Variants in PCDH9 observed in about 807,000 individuals in gnomAD.
PCDH9 encodes the protein protocadherin 9, also known as protocadherin-9.
PCDH9 carries 24 observed loss-of-function variants against 70.6 expected under a neutral mutation model. The ratio of observed to expected loss-of-function variants is 0.34; its 90% confidence interval spans 0.25 to 0.48. The LOEUF is 0.48. Among genes scored for constraint, PCDH9 ranks in the 20% least tolerant of loss-of-function variants. PCDH9 has a pLI of 0.99. For synonymous variants in PCDH9, 562 were observed against 558.5 expected (o/e 1.01, Z -0.09); for missense variants, 1,281 against 1,503.6 (o/e 0.85, Z 2.45).
At chr13:66,669,960 G>A (rs1218690703) in intron 3 of PCDH9, among the ~76,000 whole-genome samples, 12 of 151,852 alleles carry the variant, frequency 7.9e-5, no homozygotes, top group Admixed American at 6.6e-4. Flanking sequence ...TGTAAATGAG[G>A]CATAAAGAGC....
At chr13:67,038,702 G>A (rs545305965) in intron 2 of PCDH9, among the ~76,000 whole-genome samples, 1 of 152,296 alleles carries the variant, frequency 6.6e-6, no homozygotes, top group Non-Finnish European at 1.5e-5. Flanking sequence ...AATAAGTAAT[G>A]TAAGTTTGAT....
intron 2 of PCDH9, among the ~76,000 whole-genome samples, chr13:66,974,789 T>G (rs1203710165): frequency 6.6e-6 from 1 of 152,008 alleles, no homozygotes; most frequent in East Asian, 1.9e-4. Flanking sequence ...CTTAGGCCAG[T>G]TGAGAGTTGA....
In PCDH9 at chr13:66,314,240, A is replaced by G. The variant is rs1287552292; in HGVS notation, c.3341-9212T>C. ...ACCTGTCTGCCTTCGCTCCTTTCCC[A>G]GTGGTCTAAACTAATAACGTTTTCA... On this transcript the variant is annotated intron_variant, in intron 4 of 4. Coordinates refer to ENST00000377865, the MANE Select transcript of PCDH9 (RefSeq NM_203487.3). 2.6e-5 allele frequency among the ~76,000 whole-genome samples: 4 copies of G among 152,192 alleles called. No homozygotes were observed. The East Asian group carries it at 7.7e-4, about 29-fold the overall frequency.
At chr13:66,417,203 G>C (rs1481658025) in intron 4 of PCDH9, among the ~76,000 whole-genome samples, 2 of 152,028 alleles carry the variant, frequency 1.3e-5, no homozygotes, top group African/African-American at 4.8e-5. Flanking sequence ...ACAGGCCCCA[G>C]TGTATGATTT....
In PCDH9 at chr13:66,792,157, G is replaced by A. The variant is rs896959712; in HGVS notation, c.3138+111347C>T. The stretch of plus-strand genomic sequence containing the variant: ...GTAAATGAAAACATTTTTCTTGTTG[G>A]TCAATCTATTACCTTCGAGATTTAT... On this transcript the variant is annotated intron_variant, in intron 3 of 4. Transcript: ENST00000377865. Among the ~76,000 whole-genome samples the A allele has an allele frequency of 3.3e-5, 5 of 152,192 alleles. 1 individual carries two copies. Among genetic ancestry groups the A allele is most frequent in the Middle Eastern group, 6.8e-3 (2 of 294 alleles).
At chr13:66,911,656 C>G (rs907996720) in intron 2 of PCDH9, among the ~76,000 whole-genome samples, 2 of 152,138 alleles carry the variant, frequency 1.3e-5, no homozygotes, top group African/African-American at 4.8e-5. Context: ...TGGTTCCCTC[C>G]TTATATTATT....
At chr13:66,518,166 C>A (rs1377700803) in intron 4 of PCDH9, among the ~76,000 whole-genome samples, 1 of 151,914 alleles carries the variant, frequency 6.6e-6, no homozygotes, top group Non-Finnish European at 1.5e-5. Flanking sequence ...TGTCATATGG[C>A]AAAAACAGGA....
intron 2 of PCDH9, among the ~76,000 whole-genome samples, chr13:66,936,692 A>G (rs1448319049): frequency 6.6e-6 from 1 of 152,190 alleles, no homozygotes; most frequent in East Asian, 1.9e-4. Context: ...ATTAACTAAT[A>G]ATATAATAAT....
At chr13:67,020,699 G>T (rs908737157) in intron 2 of PCDH9, among the ~76,000 whole-genome samples, 1 of 152,220 alleles carries the variant, frequency 6.6e-6, no homozygotes, top group Non-Finnish European at 1.5e-5. Flanking sequence ...TATCTGAAAA[G>T]AGGTTAAATA....
intron 4 of PCDH9, among the ~76,000 whole-genome samples, chr13:66,573,200 T>C (rs1037368957): frequency 5.3e-5 from 8 of 152,190 alleles, no homozygotes; most frequent in Admixed American, 1.3e-4. Context: ...GAACATTTTT[T>C]TCATATACTT....
chr13:67,226,645 G>T lies in PCDH9; in HGVS notation c.1796C>A (p.Ala599Glu). ...CACAGCTTTATTCTCTCCAGCATCT[G>T]CATCTGTCACTGTGATTACCCCCAC... ...STVGVITVTD[A>E]DAGENKAVTL... Residue 599 changes from alanine (A) to glutamate (E), a missense_variant, in exon 2 of 5, where the codon GCA becomes GAA. Coordinates refer to ENST00000377865, the MANE Select transcript of PCDH9 (RefSeq NM_203487.3). The surrounding 1 kb of genome is among the most constrained non-coding windows in gnomAD (Gnocchi z 5.0). The T allele has an allele frequency of 6.2e-7, 1 of 1,613,876 alleles. No homozygotes were observed. Among genetic ancestry groups the T allele is most frequent in the South Asian group, 1.1e-5 (1 of 91,070 alleles).
At chr13:66,354,280 A>G (rs771571563) in intron 4 of PCDH9, among the ~76,000 whole-genome samples, 5 of 152,158 alleles carry the variant, frequency 3.3e-5, no homozygotes, top group Admixed American at 6.6e-5. Flanking sequence ...TATTCTTTCA[A>G]TCACTTTTAA....
chr13:66,610,179 A>C (rs1038080109), intron 4 of PCDH9, among the ~76,000 whole-genome samples: 2 of 152,022 alleles, frequency 1.3e-5, no homozygotes, highest in Admixed American at 1.3e-4. Flanking sequence ...AATGCATCAA[A>C]TATCCACACG....
At chr13:66,316,709 G>C (rs1320023166) in intron 4 of PCDH9, among the ~76,000 whole-genome samples, 1 of 152,004 alleles carries the variant, frequency 6.6e-6, no homozygotes, top group Non-Finnish European at 1.5e-5. Flanking sequence ...CCTCTACTCA[G>C]TCAATTTTTA....
At chr13:66,548,502 T>C (rs537589330) in intron 4 of PCDH9, among the ~76,000 whole-genome samples, 21 of 151,930 alleles carry the variant, frequency 1.4e-4, no homozygotes, top group African/African-American at 5.1e-4. Context: ...GAGGTGGAGG[T>C]TGCAGTGAGC....
chr13:66,932,681 T>TATATATATACATACAC (rs1313632174), intron 2 of PCDH9, among the ~76,000 whole-genome samples: 1 of 114,822 alleles, frequency 8.7e-6, no homozygotes, highest in African/African-American at 3.4e-5. Flanking sequence ...TATATATATA[T>TATATATATACATACAC]ACACACACAC....
intron 2 of PCDH9, among the ~76,000 whole-genome samples, chr13:66,956,234 T>C (rs1233953776): frequency 6.6e-6 from 1 of 152,184 alleles, no homozygotes; most frequent in East Asian, 1.9e-4. Flanking sequence ...AACGAATATA[T>C]GGTTAATTGT....
chr13:67,112,366 T>C (rs916982732), intron 2 of PCDH9, among the ~76,000 whole-genome samples: 1 of 152,184 alleles, frequency 6.6e-6, no homozygotes, highest in African/African-American at 2.4e-5. Flanking sequence ...CAAGGAAACA[T>C]AGGTACTGTG....
chr13:66,657,870 A>G (rs1366441697), intron 3 of PCDH9, among the ~76,000 whole-genome samples: 1 of 152,164 alleles, frequency 6.6e-6, no homozygotes, highest in Non-Finnish European at 1.5e-5. Flanking sequence ...CTACAGTCCA[A>G]TCGGCCCTCT....
Sources: gnomAD v4.1 joint callset for allele counts (sites outside exome capture counted in the v4.1 genomes callset) on GRCh38, gnomAD v4.1.1 for gene constraint, Gnocchi (gnomAD v3.1) non-coding constraint, MANE v1.5 for transcripts, NCBI Gene and HGNC (gene_info 2026-07-23, HGNC 2026-07-21) for gene names.